Variants in FMN1 observed in about 807,000 individuals in gnomAD.
The protein encoded by FMN1 is formin-1.
Under a neutral mutation model 132.4 loss-of-function variants are expected in FMN1, and 110 were observed. The ratio of observed to expected loss-of-function variants is 0.83; its 90% CI spans 0.71 to 0.97. The LOEUF (loss-of-function observed/expected upper bound fraction) is 0.97, where lower values mean the gene tolerates loss of function less well. FMN1 is among the 50% of genes least tolerant of loss of function. FMN1 has a pLI of 0.00. For synonymous variants in FMN1, 722 were observed against 651.7 expected (o/e 1.11, Z -1.64); for missense variants, 1,792 against 1,705.3 (o/e 1.05, Z -0.90).
At chr15:33,172,154 GC>G (rs1045351326) in intron 3 of FMN1, among the ~76,000 whole-genome samples, 1 of 151,846 alleles carries the variant, frequency 6.6e-6, no homozygotes, top group African/African-American at 2.4e-5. Context: ...CTTGCAGTGA[GC>G]CGAGATCGCG....
chr15:33,041,449 C>T (rs2036432692), intron 6 of FMN1, among the ~76,000 whole-genome samples: 3 of 123,178 alleles, frequency 2.4e-5, no homozygotes, highest in African/African-American at 6.1e-5. Flanking sequence ...TTTCAGCTTT[C>T]TTTCGACGTT....
At chr15:33,185,211 G>C (rs61123978) in intron 2 of FMN1, among the ~76,000 whole-genome samples, 1 of 152,052 alleles carries the variant, frequency 6.6e-6, no homozygotes, top group South Asian at 2.1e-4. Flanking sequence ...TTGCATAGTC[G>C]TAATGTTTTG....
intron 7 of FMN1, among the ~76,000 whole-genome samples, chr15:32,979,806 T>C (rs2140755908): frequency 6.6e-6 from 1 of 152,304 alleles, no homozygotes; most frequent in Admixed American, 6.5e-5. Context: ...GTCATTTGTG[T>C]TCACTGTATC....
At chr15:33,124,309 A>C (rs536123903) in intron 4 of FMN1, among the ~76,000 whole-genome samples, 3 of 152,360 alleles carry the variant, frequency 2.0e-5, no homozygotes, top group South Asian at 2.1e-4. Flanking sequence ...AAAAGTGAGA[A>C]GGGGGTCTGG....
intron 4 of FMN1, among the ~76,000 whole-genome samples, chr15:33,107,197 C>T (rs1470114775): frequency 6.6e-6 from 1 of 151,994 alleles, no homozygotes; most frequent in Admixed American, 6.6e-5. Flanking sequence ...TTTGCTCTAC[C>T]ACCAAACAGT....
intron 7 of FMN1, among the ~76,000 whole-genome samples, chr15:32,975,286 C>T (rs369584240): frequency 6.6e-6 from 1 of 152,282 alleles, no homozygotes; most frequent in African/African-American, 2.4e-5. Flanking sequence ...AGTTGGGGAC[C>T]ACAATTTAAT....
At chr15:32,990,592 A>G (rs1596411749) in intron 7 of FMN1, among the ~76,000 whole-genome samples, 1 of 152,310 alleles carries the variant, frequency 6.6e-6, no homozygotes. Flanking sequence ...TCTAATGTAA[A>G]GGATAGCTGA....
intron 17 of FMN1, among the ~76,000 whole-genome samples, chr15:32,806,163 G>C (rs2141015970): frequency 6.6e-6 from 1 of 152,170 alleles, no homozygotes; most frequent in East Asian, 1.9e-4. Flanking sequence ...CTTTAATTTA[G>C]GGCTACAATG....
At chr15:32,969,998 TA>T (rs1400731867) in intron 7 of FMN1, among the ~76,000 whole-genome samples, 2 of 152,334 alleles carry the variant, frequency 1.3e-5, no homozygotes, top group East Asian at 3.9e-4. Flanking sequence ...CACGATAACT[TA>T]CTTTTTTAAA....
rs1368628995 is a variant in FMN1, at chr15:32,768,765, C to T, written c.*5545G>A. On this transcript the variant is annotated 3_prime_UTR_variant, in exon 21 of 21. Transcript: ENST00000616417. ...TTTAGAAAAGGAGACTAGAGATTCT[C>T]AGTATATTTAAGAGAAGATTTAAAA... 6.7e-6 allele frequency: 1 copy of T among 148,458 alleles called. No homozygotes were observed. Among genetic ancestry groups the T allele is most frequent in the Non-Finnish European group, 1.5e-5 (1 of 66,766 alleles). The allele number at this position is 148,458 out of a possible 1,614,324, so 9.2% of individuals were successfully genotyped here.
At position 32,856,971 on chromosome 15, in the gene FMN1, A is replaced by G. The variant is rs374027347; in HGVS notation, c.3928+44T>C. On this transcript the variant is annotated intron_variant, in intron 17 of 20. Transcript: ENST00000616417. ...CAGAGAAAGATTCATGGAATGAAGGATGTTTCAGGGCCACGTGTATGTGCG... is the reference window on the plus strand; with the variant it reads ...CAGAGAAAGATTCATGGAATGAAGGGTGTTTCAGGGCCACGTGTATGTGCG... The G allele has an allele frequency of 2.2e-6, 3 of 1,361,056 alleles. No individual in the cohort carries two copies. In the Admixed American group the frequency reaches 5.0e-5, roughly 23 times the overall value. The allele number at this position is 1,361,056 out of a possible 1,614,324, so 84.3% of individuals were successfully genotyped here. A position where few individuals can be genotyped will look rare whatever the true frequency, so the allele number is the denominator to read the frequency against.
intron 5 of FMN1, among the ~76,000 whole-genome samples, chr15:33,074,082 G>C (rs915595285): frequency 4.6e-5 from 7 of 152,220 alleles, no homozygotes; most frequent in South Asian, 2.1e-4. Context: ...AAGGGAAGCG[G>C]AACAACTGGC....
chr15:33,020,684 T>C (rs1482235985), intron 6 of FMN1, among the ~76,000 whole-genome samples: 1 of 151,286 alleles, frequency 6.6e-6, no homozygotes. Flanking sequence ...GCCTCTTTCA[T>C]GCATGTGCTC....
chr15:32,832,463 T>C (rs2058524114), intron 17 of FMN1, among the ~76,000 whole-genome samples: 1 of 152,042 alleles, frequency 6.6e-6, no homozygotes, highest in Non-Finnish European at 1.5e-5. Flanking sequence ...TATTGGCTGT[T>C]GAGATGATGC....
At chr15:32,842,824 C>A (rs1383286307) in intron 17 of FMN1, among the ~76,000 whole-genome samples, 2 of 142,096 alleles carry the variant, frequency 1.4e-5, no homozygotes, top group Non-Finnish European at 3.0e-5. Context: ...GCTTCCCAAG[C>A]TCAGAAAGGT....
intron 17 of FMN1, among the ~76,000 whole-genome samples, chr15:32,824,346 T>C (rs979089955): frequency 2.0e-5 from 3 of 152,104 alleles, no homozygotes; most frequent in African/African-American, 7.2e-5. Context: ...CCTCACAGAG[T>C]GGATAGATAT....
intron 4 of FMN1, among the ~76,000 whole-genome samples, chr15:33,107,269 T>A (rs2039523323): frequency 6.6e-6 from 1 of 152,016 alleles, no homozygotes; most frequent in African/African-American, 2.4e-5. Context: ...ACCTCTCTCA[T>A]CTGGGCAAGT....
chr15:33,100,092 G>A (rs1304719588), intron 4 of FMN1, among the ~76,000 whole-genome samples: 1 of 152,094 alleles, frequency 6.6e-6, no homozygotes, highest in Non-Finnish European at 1.5e-5. Flanking sequence ...AGGAAGCTGA[G>A]AGTGCTTCTT....
chr15:32,899,546 A>G (rs1462255265), intron 14 of FMN1, among the ~76,000 whole-genome samples: 1 of 152,228 alleles, frequency 6.6e-6, no homozygotes, highest in Non-Finnish European at 1.5e-5. Context: ...AGAGCTTGAC[A>G]GTAGACCCCA....
Sources: gnomAD v4.1 joint callset for allele counts (sites outside exome capture counted in the v4.1 genomes callset) on GRCh38, gnomAD v4.1.1 for gene constraint, MANE v1.5 for transcripts, NCBI Gene and HGNC (gene_info 2026-07-23, HGNC 2026-07-21) for gene names.